The following LCTL variants were observed in gnomAD, a reference collection of about 807,000 sequenced individuals.
LCTL encodes lactase like.
LCTL carries 76 observed loss-of-function variants against 75.8 expected under a neutral mutation model. The observed-to-expected ratio is 1.00, with a 90% CI of 0.83 to 1.21. The LOEUF is 1.21. Ranked by LOEUF, LCTL falls within the 50% of genes most tolerant of loss-of-function variation. The pLI is 0.00. For synonymous variants in LCTL, 271 were observed against 268.8 expected, an observed-to-expected ratio of 1.01 and a Z score of -0.08; for missense variants, 670 against 712.4, an observed-to-expected ratio of 0.94 and a Z score of 0.68.
exon 6 of LCTL, chr15:66,561,023 C>T (rs1448702656): frequency 6.2e-7 from 1 of 1,614,094 alleles, no homozygotes; most frequent in Non-Finnish European, 8.5e-7. Context: ...ATGTGGTGTG[C>T]TGCCTTGTAC....
intron 8 of LCTL, among the ~76,000 whole-genome samples, chr15:66,554,974 A>T (rs974957387): frequency 2.6e-5 from 4 of 152,218 alleles, no homozygotes; most frequent in African/African-American, 9.6e-5. Context: ...AAACATGTCC[A>T]GGTGTAATCT....
At chr15:66,547,784 ATTTCT>A (rs1310592737) in exon 13 of LCTL, 3 of 151,826 alleles carry the variant, frequency 2.0e-5, no homozygotes, top group Non-Finnish European at 4.4e-5. Context: ...TTATCTATAG[ATTTCT>A]TTTCTTTTCT....
rs1895603588 is a variant in LCTL at position 66,551,652 on chromosome 15, T to C, written c.1524+10A>G. On this transcript the variant is annotated intron_variant, in intron 11 of 12. Transcript: ENST00000341509. ...AGTTCAGAACAGATAACATTGATAA[T>C]GAGGCCTACCTCTCTTGGATTGGGA... 2 of 1,607,946 alleles carry C rather than the reference T, an allele frequency of 1.2e-6. No homozygotes were observed. The highest frequency in any genetic ancestry group is 4.5e-5 in the East Asian group (2 of 44,836).
chr15:66,557,846 T>G (rs780258933), exon 8 of LCTL: 1 of 1,613,922 alleles, frequency 6.2e-7, no homozygotes, highest in South Asian at 1.1e-5. Context: ...TGTCCACAGG[T>G]TCCCCCCAGT....
intron 9 of LCTL, among the ~76,000 whole-genome samples, chr15:66,552,707 T>C (rs1158133457): frequency 1.4e-5 from 2 of 147,964 alleles, no homozygotes; most frequent in African/African-American, 5.0e-5. Flanking sequence ...GGAGGGGACA[T>C]GTACTTTGGT....
At chr15:66,559,727 G>A (rs12442231) in intron 6 of LCTL, among the ~76,000 whole-genome samples, 38,076 of 152,018 alleles carry the variant, frequency 0.25, 4,907 homozygotes, top group African/African-American at 0.31. Context: ...AAATAATCGC[G>A]TCTCTTCAGC....
Position 66,561,253 on chromosome 15 carries a change from G to T in LCTL, c.543C>A (p.Tyr181Ter), listed in dbSNP as rs143189433. Residue 181 changes from tyrosine to a stop codon, truncating the protein, a stop_gained, in exon 5 of 13, where the codon TAC becomes TAA. Transcript: ENST00000341509. LOFTEE classifies it high-confidence loss of function. ...CAAAGGCCTCAAAGCACAGGTTGGCGTAGTCTCTGAAGTAGTTGGCCATGC... is the reference window on the plus strand; with the variant it reads ...CAAAGGCCTCAAAGCACAGGTTGGCTTAGTCTCTGAAGTAGTTGGCCATGC... 10 of 1,614,074 alleles carry T rather than the reference G, an allele frequency of 6.2e-6. No homozygotes were observed. In the East Asian group the frequency reaches 2.2e-4, roughly 36 times the overall value.
intron 2 of LCTL, 161 bp downstream of exon 3, chr15:66,564,515 G>GC: frequency 2.6e-6 from 2 of 776,726 alleles, no homozygotes; most frequent in African/African-American, 1.8e-5. Context: ...CACTGGCCCT[G>GC]CCCCCTCTGG....
upstream of LCTL, chr15:66,565,785 G>T (rs899725723): frequency 2.2e-5 from 4 of 181,068 alleles, no homozygotes; most frequent in Non-Finnish European, 4.5e-5. Flanking sequence ...CCATCCCAGT[G>T]CCTCTGTCCT....
chr15:66,551,927 A>T, intron 10 of LCTL, 66 bp from the exon 12 acceptor site: 2 of 1,519,694 alleles, frequency 1.3e-6, no homozygotes, highest in Non-Finnish European at 1.8e-6. Context: ...ACTGAAGATA[A>T]TGTTAAAATG....
chr15:66,556,613 A>G (rs1295724061), intron 8 of LCTL, among the ~76,000 whole-genome samples: 1 of 152,148 alleles, frequency 6.6e-6, no homozygotes, highest in Non-Finnish European at 1.5e-5. Flanking sequence ...CTGACAATGG[A>G]ATATTATTCA....
rs146884428 is a variant in LCTL at position 66,558,031 on chromosome 15, G to A, written c.711C>T (p.His237=). The change falls in exon 7 of 13, where the codon CAC becomes CAT. Residue 237 remains histidine, a synonymous_variant. Coordinates refer to ENST00000341509, the Ensembl canonical transcript of LCTL. ...TGTTATAAGAATGCCAGGCTTTGGC[G>A]TGGGCCTGAAAGGGGAGCAGAAATT... is the stretch of plus-strand genomic sequence containing the variant. 34 of 1,604,212 alleles carry A rather than the reference G, an allele frequency of 2.1e-5. No homozygotes were observed. In the Middle Eastern group the frequency reaches 5.0e-4, roughly 23 times the overall value.
chr15:66,550,509 C>G (rs764581314), intron 11 of LCTL, among the ~76,000 whole-genome samples: 30 of 152,126 alleles, frequency 2.0e-4, no homozygotes, highest in Non-Finnish European at 4.3e-4. Flanking sequence ...GAAACAGAGT[C>G]TTGCTCTGTT....
At chr15:66,560,291 T>C (rs535546086) in intron 6 of LCTL, among the ~76,000 whole-genome samples, 2 of 152,296 alleles carry the variant, frequency 1.3e-5, no homozygotes, top group East Asian at 3.9e-4. Context: ...GCATGCCTCG[T>C]ATCCCTGTTC....
chr15:66,560,526 G>A (rs1475768062), intron 6 of LCTL, among the ~76,000 whole-genome samples: 1 of 152,092 alleles, frequency 6.6e-6, no homozygotes, highest in East Asian at 1.9e-4. Context: ...CTCTGAGCTG[G>A]GAGTAAGGTG....
At chr15:66,564,836 A>G in exon 2 of LCTL, 1 of 1,611,034 alleles carries the variant, frequency 6.2e-7, no homozygotes, top group East Asian at 2.2e-5. Context: ...GCCCCAGGAG[A>G]AGCCTGCAGG....
chr15:66,557,957 G>T, intron 7 of LCTL, 25 bp downstream of exon 8: 1 of 1,607,506 alleles, frequency 6.2e-7, no homozygotes, highest in Non-Finnish European at 8.5e-7. Flanking sequence ...GCTGTCCTGG[G>T]TACATGTGTG....
At chr15:66,562,817 C>T (rs1043435570) in intron 4 of LCTL, among the ~76,000 whole-genome samples, 5 of 152,218 alleles carry the variant, frequency 3.3e-5, no homozygotes, top group Admixed American at 2.6e-4. Context: ...GTCCTGACTT[C>T]AGGTGATCCA....
chr15:66,552,966 GCTGAATGTGATAATCAC>G lies in LCTL; in HGVS notation c.1197+1_1197+17del. 7.0e-7 allele frequency: 1 copy of G among 1,434,958 alleles called. No homozygotes were observed. Among genetic ancestry groups the G allele is most frequent in the African/African-American group, 1.5e-5 (1 of 68,800 alleles). 88.9% of individuals were successfully genotyped at this position (1,434,958 alleles called of 1,614,324 possible). On this transcript the variant is annotated splice_donor_variant and splice_donor_5th_base_variant and intron_variant, in intron 9 of 12. Coordinates refer to ENST00000341509, the Ensembl canonical transcript of LCTL. LOFTEE classifies it high-confidence loss of function. ...TTCAAGTCTAAATGTCCTTTGAATA[GCTGAATGTGATAATCAC>G]CTGAGCAAAGTTAAGGAGCCTCCTA...
Sources: allele counts gnomAD v4.1 joint callset (sites outside exome capture counted in the v4.1 genomes callset), GRCh38; gene constraint gnomAD v4.1.1; transcripts MANE v1.5; gene names NCBI Gene and HGNC (gene_info 2026-07-23, HGNC 2026-07-21).